The following PRKAR1A variants were observed in gnomAD, a reference collection of about 807,000 sequenced individuals.
PRKAR1A encodes the protein protein kinase cAMP-dependent type I regulatory subunit alpha.
PRKAR1A carries 3 observed loss-of-function variants against 52.0 expected under a neutral mutation model. That is an observed-to-expected ratio of 0.06 (90% CI 0.03 to 0.15). The LOEUF (loss-of-function observed/expected upper bound fraction) is 0.15. Among genes scored for constraint, PRKAR1A ranks in the 10% least tolerant of loss-of-function variants. The probability of loss-of-function intolerance (pLI) is 1.00; values close to 1 mark genes in which losing one functional copy is unlikely to be tolerated. For missense variants in PRKAR1A, 240 were observed against 477.4 expected (o/e 0.50, Z 4.63); for synonymous variants, 188 against 168.4 (o/e 1.12, Z -0.90).
chr17:68,490,744 C>T, the PRKAR1A span, among the ~76,000 whole-genome samples: 1 of 152,118 alleles, frequency 6.6e-6, no homozygotes, highest in Non-Finnish European at 1.5e-5. Flanking sequence ...CCTCTACTTT[C>T]CTATTATCCT....
chr17:68,545,668 A>C (rs771932739), intron 11 of PRKAR1A, among the ~76,000 whole-genome samples: 3 of 152,204 alleles, frequency 2.0e-5, no homozygotes, highest in Non-Finnish European at 4.4e-5. Flanking sequence ...ATGTATCTGT[A>C]GCACGCAATG....
chr17:68,535,878 G>A, downstream of PRKAR1A: 1 of 453,984 alleles, frequency 2.2e-6, no homozygotes, highest in Non-Finnish European at 4.4e-6. Context: ...GTGTTACAGT[G>A]AAAAGAAGAC....
rs2143274266 is a variant in PRKAR1A at position 68,522,868 on chromosome 17, G to A, written c.290G>A (p.Arg97Gln). The A allele has an allele frequency of 1.2e-6, 2 of 1,613,554 alleles. No individual in the cohort carries two copies. Among genetic ancestry groups the A allele is most frequent in the Non-Finnish European group, 1.7e-6 (2 of 1,179,784 alleles). The stretch of plus-strand genomic sequence containing the variant: ...CCAGTGGTTAAAGGTAGGAGGCGAC[G>A]AGGTGCTATCAGCGCTGAGGTCTAC... ...PNPVVKGRRR[R>Q]GAISAEVYTE... Residue 97 changes from arginine to glutamine, a missense_variant, in exon 3 of 11, where the codon CGA becomes CAA. Around this residue, in one of 4 missense-constraint regions of PRKAR1A, gnomAD observed 107 missense variants for 290.9 expected, o/e 0.37. Transcript: ENST00000589228.
In PRKAR1A at chr17:68,515,436, C is replaced by T. The variant is rs1177674637; in HGVS notation, c.37C>T (p.Arg13Cys). ...CAGTACCGCCGCCAGTGAGGAGGCA[C>T]GCAGCCTTCGAGAATGTGAGCTCTA... ...SGSTAASEEA[R>C]SLRECELYVQ... Residue 13 changes from arginine to cysteine, a missense_variant, in exon 2 of 11, where the codon CGC (arginine) becomes TGC (cysteine). Arg to Cys is a radical substitution (Grantham distance 180). This residue lies in a region of PRKAR1A where 107 missense variants were observed against 114.6 expected (regional missense o/e 0.93). Coordinates refer to ENST00000589228, the MANE Select transcript of PRKAR1A (RefSeq NM_002734.5). The T allele has an allele frequency of 1.1e-5, 18 of 1,613,380 alleles. No homozygotes were observed. Among genetic ancestry groups the T allele is most frequent in the East Asian group, 4.5e-5 (2 of 44,898 alleles).
At chr17:68,441,770 C>T in the PRKAR1A span, among the ~76,000 whole-genome samples, 2 of 152,206 alleles carry the variant, frequency 1.3e-5, no homozygotes, top group African/African-American at 2.4e-5. Context: ...AAATGATCAT[C>T]TCCATTTTAC....
chr17:68,550,600 C>G (rs755876453), intron 11 of PRKAR1A, among the ~76,000 whole-genome samples: 1 of 151,944 alleles, frequency 6.6e-6, no homozygotes. Context: ...AGGCTGGTCT[C>G]GAACTCCTGA....
the PRKAR1A span, chr17:68,452,957 A>C: frequency 6.2e-7 from 1 of 1,614,124 alleles, no homozygotes; most frequent in East Asian, 2.2e-5. Flanking sequence ...CAGAGAAAAC[A>C]GCTTATACCC....
chr17:68,436,462 TAGAG>T, the PRKAR1A span: 5 of 1,613,738 alleles, frequency 3.1e-6, no homozygotes, highest in East Asian at 6.7e-5. Context: ...GAATGGTTGA[TAGAG>T]AGAGCACATA....
At chr17:68,450,649 T>A in the PRKAR1A span, 1 of 1,506,282 alleles carries the variant, frequency 6.6e-7, no homozygotes, top group South Asian at 1.3e-5. Context: ...TTACAGACAT[T>A]GATCTTGAAA....
the PRKAR1A span, among the ~76,000 whole-genome samples, chr17:68,431,325 C>T: frequency 6.6e-6 from 1 of 152,130 alleles, no homozygotes; most frequent in African/African-American, 2.4e-5. Flanking sequence ...ATCACAACCT[C>T]CCTGACAGGG....
the PRKAR1A span, chr17:68,427,084 G>T: frequency 6.8e-7 from 1 of 1,469,716 alleles, no homozygotes; most frequent in African/African-American, 1.4e-5. Context: ...GGGAGAAGGG[G>T]AGGGAGGTCA....
At chr17:68,467,505 A>G in the PRKAR1A span, among the ~76,000 whole-genome samples, 1 of 152,172 alleles carries the variant, frequency 6.6e-6, no homozygotes, top group Non-Finnish European at 1.5e-5. Context: ...GTTTTATGAG[A>G]TGCCTGCAAA....
the PRKAR1A span, among the ~76,000 whole-genome samples, chr17:68,446,880 G>T: frequency 2.0e-4 from 31 of 152,294 alleles, 1 homozygote; most frequent in African/African-American, 7.2e-4. Context: ...CCCTCATGCT[G>T]GCTGCAGATA....
chr17:68,460,574 A>G, the PRKAR1A span, among the ~76,000 whole-genome samples: 1 of 152,168 alleles, frequency 6.6e-6, no homozygotes. Flanking sequence ...ATGGTCCATT[A>G]TGGCACCAGC....
chr17:68,548,953 T>C (rs1175909434), intron 11 of PRKAR1A, among the ~76,000 whole-genome samples: 6 of 151,756 alleles, frequency 4.0e-5, no homozygotes, highest in Non-Finnish European at 7.4e-5. Flanking sequence ...AGGATGGTCT[T>C]GATCTCCTGA....
chr17:68,450,604 A>G, the PRKAR1A span: 1 of 1,283,708 alleles, frequency 7.8e-7, no homozygotes, highest in Non-Finnish European at 1.1e-6. Flanking sequence ...ACGGGGCCTG[A>G]GTGTTAACAT....
At chr17:68,463,616 G>A in the PRKAR1A span, among the ~76,000 whole-genome samples, 5 of 152,204 alleles carry the variant, frequency 3.3e-5, no homozygotes, top group African/African-American at 4.8e-5. Flanking sequence ...GGGAGTGTGG[G>A]GTGTAGGGAG....
chr17:68,489,186 GTATATATA>G, the PRKAR1A span, among the ~76,000 whole-genome samples: 79 of 11,094 alleles, frequency 7.1e-3, no homozygotes, highest in African/African-American at 7.9e-3. Flanking sequence ...ATCTTGGAAA[GTATATATA>G]TATATATATA....
intron 6 of PRKAR1A, 108 bp downstream of exon 6, chr17:68,525,066 T>G: frequency 1.1e-6 from 1 of 874,202 alleles, no homozygotes; most frequent in South Asian, 1.5e-5. Flanking sequence ...CCCTTGTATG[T>G]CAGATTTTAT....
Sources: allele counts gnomAD v4.1 joint callset (sites outside exome capture counted in the v4.1 genomes callset), GRCh38; gene constraint gnomAD v4.1.1; regional missense constraint gnomAD v4.1.1; transcripts MANE v1.5; gene names NCBI Gene and HGNC (gene_info 2026-07-23, HGNC 2026-07-21).